The following CACNA1C variants were observed in gnomAD, a reference collection of about 807,000 sequenced individuals.
The protein encoded by CACNA1C is calcium voltage-gated channel subunit alpha1 C, also known as voltage-dependent L-type calcium channel subunit alpha-1C.
CACNA1C carries 30 observed loss-of-function variants against 229.0 expected under a neutral mutation model. That is an observed-to-expected ratio of 0.13 (90% CI 0.10 to 0.18). The LOEUF (loss-of-function observed/expected upper bound fraction) is 0.18. Ranked by LOEUF, CACNA1C falls within the 10% of genes least tolerant of loss-of-function variation. The pLI, the probability that CACNA1C is intolerant of heterozygous loss-of-function variation, is 1.00. For missense variants in CACNA1C, 1,658 were observed against 2,845.0 expected (o/e 0.58, Z 9.49); for synonymous variants, 1,114 against 1,132.5 (o/e 0.98, Z 0.33).
chr12:1,982,428 T>A lies in CACNA1C; in HGVS notation c.139+11227T>A, dbSNP rs192851459. On this transcript the variant is annotated intron_variant, in intron 1 of 46. Transcript: ENST00000682462. ...ACCACTATTTTACTTTCTGTCTGTA[T>A]GAATTTGACTACTCTAGGTACCTCA... 7.2e-5 allele frequency among the ~76,000 whole-genome samples: 11 copies of A among 152,284 alleles called. No homozygotes were observed. In the East Asian group the frequency reaches 2.1e-3, roughly 29 times the overall value.
chr12:2,634,263 T>C, intron 29 of CACNA1C, 34 bp from the exon 30 acceptor site: 3 of 1,131,544 alleles, frequency 2.7e-6, no homozygotes, highest in Non-Finnish European at 3.8e-6. Context: ...TTGGTTCTTC[T>C]TCTCTCTCTC....
At chr12:2,559,705 C>T (rs1440089298) in intron 11 of CACNA1C, among the ~76,000 whole-genome samples, 1 of 152,266 alleles carries the variant, frequency 6.6e-6, no homozygotes, top group Non-Finnish European at 1.5e-5. Flanking sequence ...AGAGCTCATA[C>T]CCAGGGGCTC....
At chr12:2,018,004 A>G (rs2154486017) in intron 1 of CACNA1C, among the ~76,000 whole-genome samples, 1 of 152,320 alleles carries the variant, frequency 6.6e-6, no homozygotes, top group East Asian at 1.9e-4. Context: ...AAAACATAAA[A>G]ACCATTCTTA....
At chr12:2,606,874 G>A in intron 25 of CACNA1C, 110 bp from the exon 26 acceptor site, 1 of 1,293,758 alleles carries the variant, frequency 7.7e-7, no homozygotes, top group Admixed American at 1.9e-5. Context: ...CTAGAACGGT[G>A]AAGTTCAAGC....
chr12:2,194,210 TTCC>T (rs371710456), intron 3 of CACNA1C, among the ~76,000 whole-genome samples: 1 of 135,334 alleles, frequency 7.4e-6, no homozygotes, highest in Non-Finnish European at 1.6e-5. Flanking sequence ...CCCCCCTGTG[TTCC>T]TCCTCCTCCT....
chr12:2,511,571 TACACAC>T (rs35169529), intron 8 of CACNA1C, among the ~76,000 whole-genome samples: 5 of 149,902 alleles, frequency 3.3e-5, no homozygotes, highest in African/African-American at 9.8e-5. Context: ...CCTATGCATG[TACACAC>T]ACACACACAC....
chr12:2,322,049 A>G (rs2096025790), intron 3 of CACNA1C, among the ~76,000 whole-genome samples: 1 of 152,164 alleles, frequency 6.6e-6, no homozygotes, highest in South Asian at 2.1e-4. Flanking sequence ...AGCCAAAACT[A>G]ATTTATTTAT....
At chr12:2,425,339 GTAGAT>G in intron 3 of CACNA1C, among the ~76,000 whole-genome samples, 1 of 152,332 alleles carries the variant, frequency 6.6e-6, no homozygotes, top group East Asian at 1.9e-4. Context: ...CACAAAGGAA[GTAGAT>G]TAATCATATA....
At chr12:2,162,415 A>G (rs562601797) in intron 3 of CACNA1C, among the ~76,000 whole-genome samples, 4 of 152,046 alleles carry the variant, frequency 2.6e-5, no homozygotes, top group African/African-American at 9.6e-5. Flanking sequence ...TGAGGGTACA[A>G]GAGAAAGTTG....
At chr12:2,107,484 C>T (rs567680434) in intron 1 of CACNA1C, among the ~76,000 whole-genome samples, 94 of 141,982 alleles carry the variant, frequency 6.6e-4, no homozygotes, top group African/African-American at 2.4e-3. Flanking sequence ...AGGGTTTCCA[C>T]CTCAGCTGGG....
chr12:2,517,793 A>G (rs1183600991), intron 9 of CACNA1C, among the ~76,000 whole-genome samples: 1 of 152,228 alleles, frequency 6.6e-6, no homozygotes, highest in Non-Finnish European at 1.5e-5. Flanking sequence ...CGTTAAATCT[A>G]ATAGAAGGTC....
chr12:2,358,251 C>CTGTGTGTG (rs57191390), intron 3 of CACNA1C, among the ~76,000 whole-genome samples: 23 of 136,112 alleles, frequency 1.7e-4, no homozygotes, highest in South Asian at 5.4e-4. Flanking sequence ...CGGCGTCCTC[C>CTGTGTGTG]TGTGTGTGTG....
intron 1 of CACNA1C, among the ~76,000 whole-genome samples, chr12:2,025,927 G>A (rs1483719701): frequency 6.7e-6 from 1 of 149,750 alleles, no homozygotes; most frequent in Non-Finnish European, 1.5e-5. Context: ...CACTTCGCTA[G>A]GGTAACCAAG....
intron 3 of CACNA1C, among the ~76,000 whole-genome samples, chr12:2,432,232 G>A (rs1002105888): frequency 3.9e-5 from 6 of 152,226 alleles, no homozygotes; most frequent in East Asian, 1.9e-4. Flanking sequence ...ATTTGGAGGA[G>A]AGGCGAGTTA....
intron 38 of CACNA1C, among the ~76,000 whole-genome samples, chr12:2,673,871 T>C (rs4765967): frequency 0.12 from 18,273 of 152,138 alleles, 1,939 homozygotes; most frequent in African/African-American, 0.28. Context: ...GTAAAATCTA[T>C]GATGGTCAGG....
intron 3 of CACNA1C, among the ~76,000 whole-genome samples, chr12:2,175,475 C>CCGTTTGTT (rs1304952036): frequency 6.6e-6 from 1 of 151,994 alleles, no homozygotes; most frequent in African/African-American, 2.4e-5. Flanking sequence ...GAGTTAGATT[C>CCGTTTGTT]AGGTTCCGTT....
rs778390407 is a variant in CACNA1C, at chr12:2,584,635, C to T, written c.2339+18C>T. On this transcript the variant is annotated intron_variant, in intron 16 of 46. Coordinates refer to ENST00000399655, the MANE Select transcript of CACNA1C (RefSeq NM_000719.7). Reference sequence around the variant, plus strand: ...CTGGCCAGGTAACCCTCTAAGCTTGCCCAGGCCTGGGGCTCCAGGGCTCCC... The same window carrying T: ...CTGGCCAGGTAACCCTCTAAGCTTGTCCAGGCCTGGGGCTCCAGGGCTCCC... 172 of 1,547,944 alleles carry T rather than the reference C, an allele frequency of 1.1e-4. No individual in the cohort carries two copies. Among genetic ancestry groups the T allele is most frequent in the Non-Finnish European group, 1.5e-4 (164 of 1,123,866 alleles).
At chr12:2,521,693 A>G (rs932475224) in intron 9 of CACNA1C, among the ~76,000 whole-genome samples, 6 of 152,120 alleles carry the variant, frequency 3.9e-5, no homozygotes, top group Non-Finnish European at 5.9e-5. Context: ...GTCAAGTCGT[A>G]TGGGCTGTCC....
intron 1 of CACNA1C, among the ~76,000 whole-genome samples, chr12:2,090,120 C>T (rs11062117): frequency 6.6e-6 from 1 of 152,242 alleles, no homozygotes; most frequent in South Asian, 2.1e-4. Context: ...AACCACCATT[C>T]TACTCTCTGT....
Sources: allele counts gnomAD v4.1 joint callset (sites outside exome capture counted in the v4.1 genomes callset), GRCh38; gene constraint gnomAD v4.1.1; transcripts MANE v1.5; gene names NCBI Gene and HGNC (gene_info 2026-07-23, HGNC 2026-07-21).